The following FUNDC2 variants were observed in gnomAD, a reference collection of about 807,000 sequenced individuals.
The protein encoded by FUNDC2 is FUN14 domain containing 2.
Under a neutral mutation model 15.6 loss-of-function variants are expected in FUNDC2, and 4 were observed. The observed-to-expected ratio is 0.26, with a 90% confidence interval of 0.13 to 0.59. FUNDC2 has a LOEUF of 0.59. Among genes scored for constraint, FUNDC2 ranks in the 20% least tolerant of loss-of-function variants. The pLI, the probability that FUNDC2 is intolerant of heterozygous loss-of-function variation, is 0.90. For synonymous variants in FUNDC2, 44 were observed against 56.9 expected (o/e 0.77, Z 1.02); for missense variants, 98 against 149.7 (o/e 0.65, Z 1.80).
At chrX:155,053,766 C>T in intron 4 of FUNDC2, 2 of 727,826 alleles carry the variant, frequency 2.7e-6, no homozygotes, top group Non-Finnish European at 3.2e-6. Flanking sequence ...TACTTGAGTT[C>T]AAGAAATGAT....
At chrX:155,033,369 A>G (rs781941730) in intron 1 of FUNDC2, 34 bp from the exon 2 acceptor site, 8 of 1,112,133 alleles carry the variant, frequency 7.2e-6, no homozygotes, top group Non-Finnish European at 9.9e-6. Flanking sequence ...TATAAAAGTA[A>G]ATATTTTCTT....
At chrX:155,051,824 G>A (rs782430334) in intron 4 of FUNDC2, 23 bp downstream of exon 4, 39 of 1,204,460 alleles carry the variant, frequency 3.2e-5, no homozygotes, top group Non-Finnish European at 3.9e-5. Flanking sequence ...TTGTTCACGT[G>A]TAGTGTGTGA....
Position 155,054,983 on chromosome X carries a change from C to G in FUNDC2, c.*311C>G, listed in dbSNP as rs185529445. The G allele has an allele frequency of 3.0e-6, 1 of 328,661 alleles. No homozygotes were observed. The highest frequency in any genetic ancestry group is 2.6e-5 in the African/African-American group (1 of 38,297). 27.1% of individuals were successfully genotyped at this position (328,661 alleles called of 1,213,427 possible). On this transcript the variant is annotated 3_prime_UTR_variant, in exon 5 of 5. Coordinates refer to ENST00000369498, the MANE Select transcript of FUNDC2 (RefSeq NM_023934.4). ...GAGAACACATTACAAGATGGCTGACCGTGGAGGATGAGTGGATCCTGAAAG... is the reference window on the plus strand; with the variant it reads ...GAGAACACATTACAAGATGGCTGACGGTGGAGGATGAGTGGATCCTGAAAG...
chrX:155,040,060 CCTT>C (rs2073842561), intron 2 of FUNDC2, among the ~76,000 whole-genome samples: 1 of 111,613 alleles, frequency 9.0e-6, no homozygotes, highest in South Asian at 3.7e-4. Context: ...GGACCTTTTG[CCTT>C]CTTGGCTAGA....
chrX:155,058,923 A>G lies in FUNDC2; in HGVS notation c.*4251A>G, dbSNP rs1435166208. On this transcript the variant is annotated 3_prime_UTR_variant, in exon 5 of 5. Coordinates refer to ENST00000369498, the MANE Select transcript of FUNDC2 (RefSeq NM_023934.4). ...AAGTGTCTACCTTTTTAAATTTTAA[A>G]ATGGTAAGAAATGACATTCCTGAGA... The G allele has an allele frequency of 9.0e-6, 1 of 111,569 alleles. No homozygotes were observed. The highest frequency in any genetic ancestry group is 1.9e-5 in the Non-Finnish European group (1 of 53,082). 9.2% of individuals were successfully genotyped at this position (111,569 alleles called of 1,213,427 possible). A position where few individuals can be genotyped will look rare whatever the true frequency, so the allele number is the denominator to read the frequency against.
rs2073890403 is a variant in FUNDC2, at chrX:155,055,216, G to A, written c.*544G>A. 1 of 295,955 alleles carries A rather than the reference G, an allele frequency of 3.4e-6. No homozygotes were observed. 24.4% of individuals were successfully genotyped at this position (295,955 alleles called of 1,213,427 possible). On this transcript the variant is annotated 3_prime_UTR_variant, in exon 5 of 5. Coordinates refer to ENST00000369498, the MANE Select transcript of FUNDC2 (RefSeq NM_023934.4). Reference sequence around the variant, plus strand: ...CGACAAAATTGGCAGCATAATTACTGTAATTGAAAAATCTGATATTGTCCA... The same window carrying A: ...CGACAAAATTGGCAGCATAATTACTATAATTGAAAAATCTGATATTGTCCA...
chrX:155,056,005 AC>A lies in FUNDC2; in HGVS notation c.*1335del, dbSNP rs2073893916. 2 of 112,062 alleles carry A rather than the reference AC, an allele frequency of 1.8e-5. No individual in the cohort carries two copies. Among genetic ancestry groups the A allele is most frequent in the Admixed American group, 9.4e-5 (1 of 10,602 alleles). The allele number at this position is 112,062 out of a possible 1,213,427, so 9.2% of individuals were successfully genotyped here. A position where few individuals can be genotyped will look rare whatever the true frequency, so the allele number is the denominator to read the frequency against. ...AGTGGATGTGTGGAACTTTACAGAA[AC>A]CACCTATTTGCGTTTTTCTCCTTAC... On this transcript the variant is annotated 3_prime_UTR_variant, in exon 5 of 5. Coordinates refer to ENST00000369498, the MANE Select transcript of FUNDC2 (RefSeq NM_023934.4).
intron 2 of FUNDC2, among the ~76,000 whole-genome samples, chrX:155,038,304 A>C (rs182527387): frequency 1.7e-4 from 19 of 111,983 alleles, no homozygotes; most frequent in Non-Finnish European, 2.8e-4. Flanking sequence ...ATATGTATAC[A>C]TTCTGGAATG....
In FUNDC2 at chrX:155,054,850, T is replaced by G; in HGVS notation, c.*178T>G. On this transcript the variant is annotated 3_prime_UTR_variant, in exon 5 of 5. Transcript: ENST00000369498. ...AGTCAATGTGGCACCATGAGCTTCA[T>G]GGTGGCAGAAGAGACAATAGTCCTT... 2.2e-6 allele frequency: 1 copy of G among 454,053 alleles called. No individual in the cohort carries two copies. The allele number at this position is 454,053 out of a possible 1,213,427, so 37.4% of individuals were successfully genotyped here.
intron 3 of FUNDC2, 24 bp downstream of exon 3, chrX:155,046,608 A>G (rs781842148): frequency 1.7e-5 from 19 of 1,134,645 alleles, no homozygotes; most frequent in Non-Finnish European, 2.3e-5. Flanking sequence ...ATGTTCTCAG[A>G]TGTTTGGAAA....
At chrX:155,050,883 A>G (rs913412407) in intron 3 of FUNDC2, 1 of 112,066 alleles carries the variant, frequency 8.9e-6, no homozygotes, top group Admixed American at 9.4e-5. Context: ...TGGTGGTGCC[A>G]TTAGCTAAAA....
intron 1 of FUNDC2, among the ~76,000 whole-genome samples, chrX:155,029,512 G>A (rs781905562): frequency 1.8e-5 from 2 of 110,854 alleles, no homozygotes; most frequent in South Asian, 7.6e-4. Context: ...CCAGCACTTT[G>A]GGAGGCTGAG....
At chrX:155,038,676 A>G (rs781837737) in intron 2 of FUNDC2, among the ~76,000 whole-genome samples, 5 of 112,647 alleles carry the variant, frequency 4.4e-5, no homozygotes, top group Non-Finnish European at 5.6e-5. Flanking sequence ...GTTGTCACAA[A>G]TATCAAGATT....
Position 155,058,974 on chromosome X carries a change from C to T in FUNDC2, c.*4302C>T, listed in dbSNP as rs1431485626. 1 of 111,680 alleles carries T rather than the reference C, an allele frequency of 9.0e-6. No homozygotes were observed. The highest frequency in any genetic ancestry group is 3.3e-5 in the African/African-American group (1 of 30,680). The allele number at this position is 111,680 out of a possible 1,213,427, so 9.2% of individuals were successfully genotyped here. A position where few individuals can be genotyped will look rare whatever the true frequency, so the allele number is the denominator to read the frequency against. Reference sequence around the variant, plus strand: ...GCAGTGGCTTTCATCCTTGCTTGCACTTGGGAATCACCTGTGAAATTTTAA... The same window carrying T: ...GCAGTGGCTTTCATCCTTGCTTGCATTTGGGAATCACCTGTGAAATTTTAA... On this transcript the variant is annotated 3_prime_UTR_variant, in exon 5 of 5. Coordinates refer to ENST00000369498, the MANE Select transcript of FUNDC2 (RefSeq NM_023934.4).
At chrX:155,027,676 G>A (rs942160293) in intron 1 of FUNDC2, among the ~76,000 whole-genome samples, 1 of 111,755 alleles carries the variant, frequency 8.9e-6, no homozygotes, top group Non-Finnish European at 1.9e-5. Context: ...TCATATAAAC[G>A]TAAAATTACG....
chrX:155,054,129 G>C (rs782680152), intron 4 of FUNDC2: 13 of 750,899 alleles, frequency 1.7e-5, no homozygotes, highest in Non-Finnish European at 2.0e-5. Context: ...GGAATGCATG[G>C]ATGGAGAGAT....
At position 155,057,446 on chromosome X, in the gene FUNDC2, G is replaced by T. The variant is rs898495962; in HGVS notation, c.*2774G>T. On this transcript the variant is annotated 3_prime_UTR_variant, in exon 5 of 5. Coordinates refer to ENST00000369498, the MANE Select transcript of FUNDC2 (RefSeq NM_023934.4). ...TGGACTTCCTAATTAGTGGTGGTGG[G>T]GCGGAAGTTTTTCCTTGGGAAGAGC... 1 of 111,370 alleles carries T rather than the reference G, an allele frequency of 9.0e-6. No homozygotes were observed. Among genetic ancestry groups the T allele is most frequent in the Non-Finnish European group, 1.9e-5 (1 of 52,581 alleles). 9.2% of individuals were successfully genotyped at this position (111,370 alleles called of 1,213,427 possible).
At chrX:155,031,531 T>C (rs2073815070) in intron 1 of FUNDC2, among the ~76,000 whole-genome samples, 1 of 112,306 alleles carries the variant, frequency 8.9e-6, no homozygotes, top group Non-Finnish European at 1.9e-5. Flanking sequence ...GGTTTCACCA[T>C]GTTGGCCAGG....
chrX:155,041,054 TA>T (rs2073844685), intron 2 of FUNDC2, among the ~76,000 whole-genome samples: 2 of 112,315 alleles, frequency 1.8e-5, no homozygotes, highest in African/African-American at 6.5e-5. Context: ...AGGTCCAATT[TA>T]TTTTTTTTGT....
Sources: gnomAD v4.1 joint callset for allele counts (sites outside exome capture counted in the v4.1 genomes callset) on GRCh38, gnomAD v4.1.1 for gene constraint, MANE v1.5 for transcripts, NCBI Gene and HGNC (gene_info 2026-07-23, HGNC 2026-07-21) for gene names.